Variants in TNR observed in about 807,000 individuals in gnomAD.
TNR encodes tenascin-R.
A neutral mutation model predicts 150.4 loss-of-function variants in TNR; 45 were observed. The observed-to-expected ratio is 0.30, with a 90% CI of 0.24 to 0.38. The LOEUF (loss-of-function observed/expected upper bound fraction) is 0.38. Among genes scored for constraint, TNR ranks in the 10% least tolerant of loss-of-function variants. TNR has a pLI of 1.00. For missense variants in TNR, 1,544 were observed against 1,759.1 expected, an observed-to-expected ratio of 0.88 and a Z score of 2.19; for synonymous variants, 687 against 678.4, an observed-to-expected ratio of 1.01 and a Z score of -0.20.
intron 2 of TNR, among the ~76,000 whole-genome samples, chr1:175,523,016 C>T (rs774549465): frequency 2.6e-5 from 4 of 152,194 alleles, no homozygotes; most frequent in Non-Finnish European, 5.9e-5. Flanking sequence ...CATTGACCTT[C>T]GGGACTCTGC....
At position 175,362,675 on chromosome 1, in the gene TNR, G is replaced by C. The variant is rs947314044; in HGVS notation, c.2842C>G (p.Leu948Val). 6.2e-6 allele frequency: 10 copies of C among 1,614,000 alleles called. No homozygotes were observed. The highest frequency in any genetic ancestry group is 1.3e-5 in the African/African-American group (1 of 75,036). The change falls in exon 14 of 23, where the codon CTT (leucine) becomes GTT (valine). Residue 948 changes from leucine (L) to valine (V), a missense_variant. Around this residue, in one of 2 missense-constraint regions of TNR, gnomAD observed 1,254 missense variants for 1,329.4 expected, o/e 0.94. Coordinates refer to ENST00000367674, the MANE Select transcript of TNR (RefSeq NM_003285.3). The stretch of plus-strand genomic sequence containing the variant: ...GAGACATTCCCACCTGTGTGCACAA[G>C]AGTACAGATGCGCTCGCTTTCCTCC... ...GREESERICTLVHTAMDNPVD... is the reference protein window; with the variant it reads ...GREESERICTVVHTAMDNPVD...
At chr1:175,654,715 C>G (rs1029886742) in intron 1 of TNR, among the ~76,000 whole-genome samples, 2 of 144,622 alleles carry the variant, frequency 1.4e-5, no homozygotes, top group Admixed American at 1.5e-4. Context: ...ACAAAAGTTC[C>G]CTTCTTTTTT....
In TNR at chr1:175,504,948, G is replaced by A. The variant is rs539332417; in HGVS notation, c.-64+23321C>T. ...TGGGAAGAGATACAGGGAGGAGGTG[G>A]CCATCTAGAAGCCAAGGAGAGAGGA... On this transcript the variant is annotated intron_variant, in intron 2 of 22. Transcript: ENST00000367674. Among the ~76,000 whole-genome samples, 3 of 152,302 alleles carry A rather than the reference G, an allele frequency of 2.0e-5. No individual in the cohort carries two copies. In the East Asian group the frequency reaches 5.8e-4, roughly 29 times the overall value.
At chr1:175,702,334 C>T (rs1255204304) in intron 1 of TNR, among the ~76,000 whole-genome samples, 3 of 152,196 alleles carry the variant, frequency 2.0e-5, no homozygotes, top group African/African-American at 7.2e-5. Context: ...CTTAGACTGA[C>T]ATGCCACCTC....
chr1:175,513,705 G>A (rs1052294126), intron 2 of TNR, among the ~76,000 whole-genome samples: 2 of 152,140 alleles, frequency 1.3e-5, no homozygotes, highest in Non-Finnish European at 2.9e-5. Context: ...AGGGAAGAGG[G>A]GTGCTATTGA....
chr1:175,385,440 A>G (rs1652872932), intron 8 of TNR, among the ~76,000 whole-genome samples: 1 of 152,186 alleles, frequency 6.6e-6, no homozygotes, highest in Non-Finnish European at 1.5e-5. Flanking sequence ...TATGGGCTTT[A>G]TGAACTTCCT....
chr1:175,419,696 G>T (rs1331402491), intron 2 of TNR, among the ~76,000 whole-genome samples: 2 of 152,044 alleles, frequency 1.3e-5, no homozygotes, highest in African/African-American at 2.4e-5. Flanking sequence ...TGGCCAAGCT[G>T]GTCTCAAACT....
intron 1 of TNR, among the ~76,000 whole-genome samples, chr1:175,671,381 T>C (rs1361790152): frequency 2.0e-5 from 3 of 152,230 alleles, no homozygotes; most frequent in African/African-American, 7.2e-5. Flanking sequence ...AAGCTGGCCA[T>C]GCTGAGGAGC....
At chr1:175,471,839 C>G (rs964160546) in intron 2 of TNR, among the ~76,000 whole-genome samples, 7 of 152,090 alleles carry the variant, frequency 4.6e-5, no homozygotes. Flanking sequence ...AACGTTTTGA[C>G]TCTTTTGCAA....
chr1:175,659,822 G>A (rs1260342906), intron 1 of TNR, among the ~76,000 whole-genome samples: 2 of 152,184 alleles, frequency 1.3e-5, no homozygotes, highest in Middle Eastern at 3.4e-3. Context: ...AACTCCAGGA[G>A]GTGGCAGGTG....
chr1:175,704,578 T>C (rs1174748560), intron 1 of TNR, among the ~76,000 whole-genome samples: 1 of 152,214 alleles, frequency 6.6e-6, no homozygotes, highest in Admixed American at 6.5e-5. Context: ...TCCTTCCCCC[T>C]TTCTCCAGTC....
At chr1:175,695,996 G>A (rs183009346) in intron 1 of TNR, among the ~76,000 whole-genome samples, 1 of 151,906 alleles carries the variant, frequency 6.6e-6, no homozygotes, top group African/African-American at 2.4e-5. Flanking sequence ...ATGGATGGAT[G>A]GATGGATGGA....
At chr1:175,506,048 CA>C (rs1465920524) in intron 2 of TNR, among the ~76,000 whole-genome samples, 6 of 152,150 alleles carry the variant, frequency 3.9e-5, no homozygotes, top group Non-Finnish European at 8.8e-5. Context: ...TCAGAAACAA[CA>C]GATGAAATGG....
At chr1:175,722,194 T>C (rs1161173260) in intron 1 of TNR, among the ~76,000 whole-genome samples, 3 of 152,096 alleles carry the variant, frequency 2.0e-5, no homozygotes, top group Admixed American at 2.0e-4. Flanking sequence ...TTCCTTGATG[T>C]TCCTTTCCTG....
intron 7 of TNR, among the ~76,000 whole-genome samples, chr1:175,388,687 CA>C (rs1371372804): frequency 3.9e-5 from 6 of 152,236 alleles, no homozygotes; most frequent in Non-Finnish European, 8.8e-5. Flanking sequence ...AATTTCTAAA[CA>C]AACACAATCC....
chr1:175,714,305 G>A (rs915422054), intron 1 of TNR, among the ~76,000 whole-genome samples: 1 of 152,096 alleles, frequency 6.6e-6, no homozygotes, highest in Non-Finnish European at 1.5e-5. Flanking sequence ...GTGACGGAAA[G>A]CCCATTGTTG....
chr1:175,492,380 G>C (rs140478748), intron 2 of TNR, among the ~76,000 whole-genome samples: 1 of 152,316 alleles, frequency 6.6e-6, no homozygotes, highest in Non-Finnish European at 1.5e-5. Context: ...TGATAGGCTA[G>C]CTTGCTTACA....
chr1:175,486,296 C>T (rs1281821725), intron 2 of TNR, among the ~76,000 whole-genome samples: 2 of 151,678 alleles, frequency 1.3e-5, no homozygotes, highest in African/African-American at 4.8e-5. Context: ...CTCGACAGGC[C>T]CTGTTTGTGT....
At chr1:175,495,846 C>G (rs1387842841) in intron 2 of TNR, among the ~76,000 whole-genome samples, 1 of 152,218 alleles carries the variant, frequency 6.6e-6, no homozygotes, top group African/African-American at 2.4e-5. Context: ...TCACAATAAT[C>G]CTCGCACACT....
Sources: allele counts gnomAD v4.1 joint callset (sites outside exome capture counted in the v4.1 genomes callset), GRCh38; gene constraint gnomAD v4.1.1; regional missense constraint gnomAD v4.1.1; transcripts MANE v1.5; gene names NCBI Gene and HGNC (gene_info 2026-07-23, HGNC 2026-07-21).